SPTAN1: variants seen among roughly 807,000 people sequenced by gnomAD.
SPTAN1 encodes the protein spectrin alpha chain, non-erythrocytic 1.
Under a neutral mutation model 331.3 loss-of-function variants are expected in SPTAN1, and 61 were observed. The ratio of observed to expected loss-of-function variants is 0.18; its 90% CI spans 0.15 to 0.23. SPTAN1 has a LOEUF of 0.23. SPTAN1 is among the 10% of genes least tolerant of loss of function. The pLI, the probability that SPTAN1 is intolerant of heterozygous loss-of-function variation, is 1.00. For synonymous variants in SPTAN1, 1,153 were observed against 1,173.9 expected (o/e 0.98, Z 0.36); for missense variants, 2,043 against 3,147.9 (o/e 0.65, Z 8.40).
Position 128,608,871 on chromosome 9 carries a change from C to CA in SPTAN1, c.4492-2dup. ...TTGATCTCATGCCTTTGTTTTCTGA[C>CA]AGGAAGAGAAGATTGCTGCTCTGCA... is the stretch of plus-strand genomic sequence containing the variant. On this transcript the variant is annotated splice_region_variant and splice_polypyrimidine_tract_variant and intron_variant, in intron 34 of 56. Coordinates refer to ENST00000372739, the MANE Select transcript of SPTAN1 (RefSeq NM_001130438.3). 3.1e-6 allele frequency: 5 copies of CA among 1,613,644 alleles called. No homozygotes were observed. The highest frequency in any genetic ancestry group is 4.2e-6 in the Non-Finnish European group (5 of 1,179,908).
Position 128,627,752 on chromosome 9 carries a change from G to T in SPTAN1, c.6690-173G>T. 1 of 884,546 alleles carries T rather than the reference G, an allele frequency of 1.1e-6. No individual in the cohort carries two copies. Among genetic ancestry groups the T allele is most frequent in the South Asian group, 1.4e-5 (1 of 73,566 alleles). 54.8% of individuals were successfully genotyped at this position (884,546 alleles called of 1,614,324 possible). On this transcript the variant is annotated intron_variant, in intron 50 of 56. Coordinates refer to ENST00000372739, the MANE Select transcript of SPTAN1 (RefSeq NM_001130438.3). The surrounding 1 kb of genome is among the most constrained non-coding windows in gnomAD (Gnocchi z 4.9). The stretch of plus-strand genomic sequence containing the variant: ...GATTGAGTGGGACCATGCAGGGCGC[G>T]TGGTCAGCCCCAGCCATGACTTGGT...
At chr9:128,587,778 G>A in intron 20 of SPTAN1, 80 bp downstream of exon 20, 6 of 1,125,808 alleles carry the variant, frequency 5.3e-6, no homozygotes, top group Non-Finnish European at 8.0e-6. Context: ...TCCTATCATA[G>A]GCCCCATTTG....
At chr9:128,566,615 C>A in intron 1 of SPTAN1, 123 bp from the exon 2 acceptor site, 1 of 1,445,826 alleles carries the variant, frequency 6.9e-7, no homozygotes, top group Non-Finnish European at 9.6e-7. Flanking sequence ...AAGGGGCTGT[C>A]TTCTCAATTC....
chr9:128,632,528 G>T lies in SPTAN1; in HGVS notation c.7013+44G>T, dbSNP rs1265437545. On this transcript the variant is annotated intron_variant, in intron 54 of 56. Transcript: ENST00000372739. ...GCCCTGGCTGGGTGGGGGGTGTTCG[G>T]CAGCAGGGCTGCCTGCTGAGCCGCC... 9 of 1,614,000 alleles carry T rather than the reference G, an allele frequency of 5.6e-6. 1 individual carries two copies. The South Asian group carries it at 9.9e-5, about 18-fold the overall frequency.
intron 10 of SPTAN1, 117 bp from the exon 11 acceptor site, chr9:128,580,805 G>A (rs902130325): frequency 2.1e-5 from 31 of 1,469,798 alleles, no homozygotes; most frequent in African/African-American, 1.9e-4. Flanking sequence ...TTTGCAAATC[G>A]GAAAAAAGGC....
chr9:128,582,424 G>A (rs150339907), intron 12 of SPTAN1, 55 bp from the exon 13 acceptor site: 2 of 1,517,006 alleles, frequency 1.3e-6, no homozygotes, highest in Non-Finnish European at 1.8e-6. Context: ...TTCTCCAGAG[G>A]CCAAGCTTGG....
chr9:128,617,840 T>C, intron 42 of SPTAN1, 80 bp downstream of exon 42: 3 of 1,612,008 alleles, frequency 1.9e-6, no homozygotes, highest in Non-Finnish European at 2.5e-6. Context: ...TTGCGCTTAT[T>C]TCACTGAGGT....
intron 3 of SPTAN1, among the ~76,000 whole-genome samples, chr9:128,572,764 A>G (rs1314775123): frequency 6.6e-6 from 1 of 152,158 alleles, no homozygotes; most frequent in Non-Finnish European, 1.5e-5. Context: ...AGACTTTCAC[A>G]CCATACCGGA....
At chr9:128,626,924 C>T (rs1589390954) in intron 49 of SPTAN1, 1 of 627,458 alleles carries the variant, frequency 1.6e-6, no homozygotes, top group East Asian at 3.0e-5. Context: ...AGGTGATCCT[C>T]TTGCCTGAGC....
chr9:128,625,966 T>G lies in SPTAN1; in HGVS notation c.6267T>G (p.Ser2089Arg). The G allele has an allele frequency of 6.2e-7, 1 of 1,613,914 alleles. No homozygotes were observed. Among genetic ancestry groups the G allele is most frequent in the Non-Finnish European group, 8.5e-7 (1 of 1,179,934 alleles). The stretch of plus-strand genomic sequence containing the variant: ...AGAAGAAGCTTCTGGAGGCTCAGAG[T>G]CACTTCCGCAAGGTGAGGATGGGGC... ...ARKKKLLEAQ[S>R]HFRKVEDLFL... Residue 2089 changes from serine (S) to arginine (R), a missense_variant, in exon 48 of 57, where the codon AGT (serine) becomes AGG (arginine). Transcript: ENST00000372739. This position sits in a 1 kb window ranked among gnomAD's most constrained non-coding sequence, Gnocchi z 4.1.
chr9:128,631,834 A>G (rs1238606366), intron 52 of SPTAN1: 1 of 417,074 alleles, frequency 2.4e-6, no homozygotes, highest in African/African-American at 2.0e-5. Flanking sequence ...ATTTATAAAA[A>G]TCTTTGGCCA....
In SPTAN1 at chr9:128,576,825, G is replaced by T. The variant is rs1256576369; in HGVS notation, c.654G>T (p.Glu218Asp). The T allele has an allele frequency of 6.2e-7, 1 of 1,613,664 alleles. No homozygotes were observed. Among genetic ancestry groups the T allele is most frequent in the Admixed American group, 1.7e-5 (1 of 60,006 alleles). The change falls in exon 6 of 57, where the codon GAG (glutamate) becomes GAT (aspartate). Residue 218 changes from glutamate (E) to aspartate (D), a missense_variant and splice_region_variant. Glu to Asp is a conservative substitution (Grantham distance 45). Around this residue, in one of 12 missense-constraint regions of SPTAN1, gnomAD observed 1,038 missense variants for 1,531.5 expected, o/e 0.68. Coordinates refer to ENST00000372739, the MANE Select transcript of SPTAN1 (RefSeq NM_001130438.3). ...VNQFAAKLIQEQHPEEELIKT... is the reference protein window; with the variant it reads ...VNQFAAKLIQDQHPEEELIKT... ...AGTCTCTTCTCTTCCTTGTTTAGGA[G>T]CAGCACCCTGAGGAGGAACTGATCA...
chr9:128,593,911 T>G (rs1853869421), intron 23 of SPTAN1: 1 of 478,094 alleles, frequency 2.1e-6, no homozygotes, highest in Admixed American at 3.0e-5. Context: ...TTGTTCTAAG[T>G]GCAGAATCGG....
Position 128,603,566 on chromosome 9 carries a change from C to A in SPTAN1, c.3603C>A (p.Thr1201=), listed in dbSNP as rs779982346. The change falls in exon 28 of 57, where the codon ACC becomes ACA. Residue 1201 remains threonine, a synonymous_variant. Coordinates refer to ENST00000372739, the MANE Select transcript of SPTAN1 (RefSeq NM_001130438.3). ...PWKSARLMVH[T]VATFNSIKEL... is the part of the protein sequence containing the mutation. ...AGTCTGCTCGTCTGATGGTTCACAC[C>A]GTGGCCACCTTTAATTCCATCAAGG... The A allele has an allele frequency of 2.5e-6, 4 of 1,614,176 alleles. No individual in the cohort carries two copies. The highest frequency in any genetic ancestry group is 2.5e-6 in the Non-Finnish European group (3 of 1,180,028).
At chr9:128,587,784 A>G (rs1852850465) in intron 20 of SPTAN1, 86 bp downstream of exon 20, 1 of 1,017,574 alleles carries the variant, frequency 9.8e-7, no homozygotes, top group Non-Finnish European at 1.5e-6. Context: ...CATAGGCCCC[A>G]TTTGACTCTG....
At chr9:128,614,771 A>G (rs1373397202) in intron 40 of SPTAN1, among the ~76,000 whole-genome samples, 1 of 152,112 alleles carries the variant, frequency 6.6e-6, no homozygotes, top group Non-Finnish European at 1.5e-5. Context: ...CAAGGAAAAA[A>G]AAGTTGTTGG....
chr9:128,583,211 TG>T lies in SPTAN1; in HGVS notation c.1942del (p.Glu648LysfsTer6). ...LIDVNHYAKD[E>X]VAARMNEVIS... Reference sequence around the variant, plus strand: ...TTGATGTCAACCACTATGCCAAGGATGAAGTGGCAGCTCGTATGAATGAGGT... The same window carrying T: ...TTGATGTCAACCACTATGCCAAGGATAAGTGGCAGCTCGTATGAATGAGGT... On this transcript the variant is annotated frameshift_variant, in exon 15 of 57. Transcript: ENST00000372739. LOFTEE classifies it high-confidence loss of function. The T allele has an allele frequency of 6.2e-7, 1 of 1,614,036 alleles. No individual in the cohort carries two copies. Among genetic ancestry groups the T allele is most frequent in the South Asian group, 1.1e-5 (1 of 91,084 alleles).
rs756019238 is a variant in SPTAN1, at chr9:128,632,855, G to GT, written c.7208_7209insT (p.Glu2404ArgfsTer3). On this transcript the variant is annotated frameshift_variant, in exon 56 of 57. Coordinates refer to ENST00000372739, the MANE Select transcript of SPTAN1 (RefSeq NM_001130438.3). LOFTEE classifies it high-confidence loss of function. Reference sequence around the variant, plus strand: ...GAATACATGGCTTTCATGATCAGCCGCGAAACTGAGAACGTCAAGTCCAGC... The same window carrying GT: ...GAATACATGGCTTTCATGATCAGCCGTCGAAACTGAGAACGTCAAGTCCAGC... The GT allele has an allele frequency of 6.2e-7, 1 of 1,614,070 alleles. No homozygotes were observed. Among genetic ancestry groups the GT allele is most frequent in the Non-Finnish European group, 8.5e-7 (1 of 1,180,028 alleles).
At chr9:128,591,712 G>T in intron 22 of SPTAN1, 87 bp downstream of exon 22, 1 of 1,551,724 alleles carries the variant, frequency 6.4e-7, no homozygotes, top group South Asian at 1.1e-5. Context: ...CGTGTCCTGA[G>T]GCTCCTGGAG....
Sources: allele counts gnomAD v4.1 joint callset (sites outside exome capture counted in the v4.1 genomes callset), GRCh38; gene constraint gnomAD v4.1.1; regional missense constraint gnomAD v4.1.1; non-coding constraint Gnocchi (gnomAD v3.1); transcripts MANE v1.5; gene names NCBI Gene and HGNC (gene_info 2026-07-23, HGNC 2026-07-21).